NFIA: variants seen among roughly 807,000 people sequenced by gnomAD.
NFIA encodes nuclear factor 1 A-type.
NFIA carries 8 observed loss-of-function variants against 62.8 expected under a neutral mutation model. The observed-to-expected ratio is 0.13, with a 90% CI of 0.07 to 0.23. NFIA has a LOEUF of 0.23. NFIA is among the 10% of genes least tolerant of loss of function. The probability of loss-of-function intolerance (pLI) is 1.00; values close to 1 mark genes in which losing one functional copy is unlikely to be tolerated. For missense variants in NFIA, 410 were observed against 642.1 expected, an observed-to-expected ratio of 0.64 and a Z score of 3.91; for synonymous variants, 235 against 238.1, an observed-to-expected ratio of 0.99 and a Z score of 0.12.
intron 2 of NFIA, among the ~76,000 whole-genome samples, chr1:61,151,003 G>A (rs1359003052): frequency 6.6e-6 from 1 of 152,194 alleles, no homozygotes; most frequent in African/African-American, 2.4e-5. Flanking sequence ...TGAAGATGCA[G>A]TGCAAGACCA....
intron 7 of NFIA, among the ~76,000 whole-genome samples, chr1:61,387,479 T>TG (rs1557749401): frequency 6.2e-4 from 53 of 84,886 alleles, no homozygotes; most frequent in Non-Finnish European, 9.9e-4. Flanking sequence ...TTTTTTTTTT[T>TG]TTTTTTTTTT....
At chr1:61,327,305 T>C (rs1660998978) in intron 3 of NFIA, among the ~76,000 whole-genome samples, 1 of 151,852 alleles carries the variant, frequency 6.6e-6, no homozygotes, top group Admixed American at 6.6e-5. Flanking sequence ...TTTGGGTACA[T>C]GGATGAATTG....
intron 10 of NFIA, among the ~76,000 whole-genome samples, chr1:61,432,215 C>T (rs1667125303): frequency 8.9e-6 from 1 of 112,634 alleles, no homozygotes; most frequent in South Asian, 3.3e-4. Flanking sequence ...GTACACTTTT[C>T]CCTATTTTTT....
chr1:61,106,533 C>T (rs902424437), intron 2 of NFIA, among the ~76,000 whole-genome samples: 9 of 151,756 alleles, frequency 5.9e-5, no homozygotes, highest in Non-Finnish European at 1.3e-4. Context: ...AGAAAAAGAT[C>T]GTGTTAGTAA....
chr1:61,289,503 A>G (rs1440143679), intron 3 of NFIA, among the ~76,000 whole-genome samples: 1 of 152,230 alleles, frequency 6.6e-6, no homozygotes, highest in Non-Finnish European at 1.5e-5. Flanking sequence ...CTCTAAGTCC[A>G]GAGTCTTAAC....
Position 61,149,053 on chromosome 1 carries a change from CTTTCTTT to C in NFIA, c.559+60377_559+60383del, listed in dbSNP as rs979250638. ...TAATTTCTTTCTTTTCTTTTTCTTT[CTTTCTTT>C]TTTTTTTTTTTTTTGGATGAGATAT... On this transcript the variant is annotated intron_variant, in intron 2 of 10. Coordinates refer to ENST00000403491, the MANE Select transcript of NFIA (RefSeq NM_001134673.4). Among the ~76,000 whole-genome samples, 15 of 82,652 alleles carry C rather than the reference CTTTCTTT, an allele frequency of 1.8e-4. No homozygotes were observed. The South Asian group carries it at 3.0e-3, about 17-fold the overall frequency. 54.2% of individuals were successfully genotyped at this position (82,652 alleles called of 152,430 possible). A position where few individuals can be genotyped will look rare whatever the true frequency, so the allele number is the denominator to read the frequency against.
At chr1:61,116,358 C>T (rs1024159535) in intron 2 of NFIA, among the ~76,000 whole-genome samples, 3 of 152,172 alleles carry the variant, frequency 2.0e-5, no homozygotes, top group Admixed American at 6.5e-5. Flanking sequence ...TGCAAATATG[C>T]AGAAAACATG....
intron 6 of NFIA, among the ~76,000 whole-genome samples, chr1:61,372,837 C>G (rs10489911): frequency 6.6e-6 from 1 of 151,934 alleles, no homozygotes; most frequent in Non-Finnish European, 1.5e-5. Flanking sequence ...GATCTTTTGG[C>G]TCATCTACCT....
intron 2 of NFIA, among the ~76,000 whole-genome samples, chr1:61,149,096 A>G (rs1648223400): frequency 7.8e-6 from 1 of 129,000 alleles, no homozygotes; most frequent in Non-Finnish European, 1.6e-5. Flanking sequence ...GGGTCTAATT[A>G]TGTTGACCAG....
At chr1:61,382,496 T>C (rs1407020092) in intron 6 of NFIA, among the ~76,000 whole-genome samples, 1 of 152,166 alleles carries the variant, frequency 6.6e-6, no homozygotes, top group Non-Finnish European at 1.5e-5. Flanking sequence ...ACCATTATAG[T>C]TTATGCATAT....
At chr1:61,385,691 G>C (rs927931103) in intron 7 of NFIA, among the ~76,000 whole-genome samples, 5 of 152,128 alleles carry the variant, frequency 3.3e-5, no homozygotes, top group Non-Finnish European at 5.9e-5. Context: ...GTTCATGCTA[G>C]ATGACTAAGC....
rs1011264126 is a variant in NFIA at position 61,153,462 on chromosome 1, G to A, written c.559+64782G>A. 2.6e-5 allele frequency among the ~76,000 whole-genome samples: 4 copies of A among 152,146 alleles called. No homozygotes were observed. In the East Asian group the frequency reaches 7.7e-4, roughly 29 times the overall value. On this transcript the variant is annotated intron_variant, in intron 2 of 10. Coordinates refer to ENST00000403491, the MANE Select transcript of NFIA (RefSeq NM_001134673.4). Reference sequence around the variant, plus strand: ...TCAAGGACCTCAACTATTATTTTTTGTTCCATATTTGAAAACTTTTGGTGT... The same window carrying A: ...TCAAGGACCTCAACTATTATTTTTTATTCCATATTTGAAAACTTTTGGTGT...
At chr1:61,450,417 G>A (rs1309736816) in intron 10 of NFIA, among the ~76,000 whole-genome samples, 1 of 152,116 alleles carries the variant, frequency 6.6e-6, no homozygotes, top group Non-Finnish European at 1.5e-5. Context: ...CAGAAGTGCG[G>A]GAAGCCAAAA....
At chr1:61,082,396 G>A, upstream of NFIA, 1 of 846,144 alleles carries the variant, frequency 1.2e-6, no homozygotes, top group South Asian at 5.2e-5. Context: ...GGCGGCGCGA[G>A]CGGGCGGCGG....
intron 3 of NFIA, among the ~76,000 whole-genome samples, chr1:61,315,265 A>G (rs948290403): frequency 1.3e-5 from 2 of 152,254 alleles, no homozygotes; most frequent in Non-Finnish European, 1.5e-5. Flanking sequence ...AGGGTCAGAA[A>G]TGCCTACGGT....
Position 61,299,046 on chromosome 1 carries a change from A to T in NFIA, c.625+21461A>T, listed in dbSNP as rs570978600. ...TGTACTTTCATGCATTTCTAAAATA[A>T]TTGTATACTAGAGCTCTTTTCCATT... On this transcript the variant is annotated intron_variant, in intron 3 of 10. Transcript: ENST00000403491. 2.0e-5 allele frequency among the ~76,000 whole-genome samples: 3 copies of T among 152,256 alleles called. No individual in the cohort carries two copies. The East Asian group carries it at 5.8e-4, about 29-fold the overall frequency.
intron 10 of NFIA, among the ~76,000 whole-genome samples, chr1:61,427,105 C>T (rs897803455): frequency 1.6e-4 from 25 of 152,092 alleles, no homozygotes; most frequent in African/African-American, 4.6e-4. Context: ...GAGCAAGGTG[C>T]GGTGGGTGGC....
intron 2 of NFIA, among the ~76,000 whole-genome samples, chr1:61,260,420 A>T (rs1469122433): frequency 1.3e-5 from 2 of 152,186 alleles, no homozygotes; most frequent in African/African-American, 4.8e-5. Flanking sequence ...GCTTCCTGTG[A>T]TATAGACTGG....
At chr1:61,107,264 A>G (rs758973956) in intron 2 of NFIA, among the ~76,000 whole-genome samples, 6 of 151,622 alleles carry the variant, frequency 4.0e-5, no homozygotes, top group Non-Finnish European at 7.4e-5. Context: ...CTTACTAACA[A>G]GTTATGCCTG....
Sources: gnomAD v4.1 joint callset for allele counts (sites outside exome capture counted in the v4.1 genomes callset) on GRCh38, gnomAD v4.1.1 for gene constraint, MANE v1.5 for transcripts, NCBI Gene and HGNC (gene_info 2026-07-23, HGNC 2026-07-21) for gene names.